The following PDE8A variants were observed in gnomAD, a reference collection of about 807,000 sequenced individuals.
PDE8A encodes high affinity cAMP-specific and IBMX-insensitive 3',5'-cyclic phosphodiesterase 8A.
PDE8A carries 59 observed loss-of-function variants against 105.0 expected under a neutral mutation model. The ratio of observed to expected loss-of-function variants is 0.56; its 90% confidence interval spans 0.46 to 0.70. The LOEUF is 0.70. Among genes scored for constraint, PDE8A ranks in the 30% least tolerant of loss-of-function variants. PDE8A has a pLI of 0.00. For missense variants in PDE8A, 1,014 were observed against 1,045.9 expected, an observed-to-expected ratio of 0.97 and a Z score of 0.42; for synonymous variants, 355 against 371.9, an observed-to-expected ratio of 0.95 and a Z score of 0.52.
chr15:85,106,948 T>C (rs902172118), intron 11 of PDE8A, among the ~76,000 whole-genome samples: 11 of 152,184 alleles, frequency 7.2e-5, no homozygotes, highest in African/African-American at 2.4e-4. Flanking sequence ...TATACACATA[T>C]GCTTCTTCCA....
chr15:85,039,817 G>C (rs769281865), intron 1 of PDE8A, among the ~76,000 whole-genome samples: 6 of 152,214 alleles, frequency 3.9e-5, no homozygotes, highest in Non-Finnish European at 7.3e-5. Context: ...AGGACTTTCT[G>C]CTAAGTCAAA....
upstream of PDE8A, among the ~76,000 whole-genome samples, chr15:84,981,779 C>T (rs1197071300): frequency 6.6e-6 from 1 of 151,014 alleles, no homozygotes; most frequent in Non-Finnish European, 1.5e-5. Context: ...GCGAGGGCAG[C>T]GTGGCTCGCG....
intron 5 of PDE8A, among the ~76,000 whole-genome samples, chr15:85,082,597 A>G (rs1438309194): frequency 6.6e-6 from 1 of 152,050 alleles, no homozygotes; most frequent in Admixed American, 6.5e-5. Flanking sequence ...CCGTGGTAGT[A>G]GAAGGAACTC....
intron 1 of PDE8A, among the ~76,000 whole-genome samples, chr15:84,993,249 C>T (rs373138633): frequency 4.9e-4 from 74 of 151,494 alleles, no homozygotes; most frequent in African/African-American, 1.6e-3. Context: ...CAAGACCATC[C>T]TGGCTAACAC....
Position 85,113,930 on chromosome 15 carries a change from C to G in PDE8A, c.1243C>G (p.Leu415Val), listed in dbSNP as rs751681396. 2 of 1,613,632 alleles carry G rather than the reference C, an allele frequency of 1.2e-6. No individual in the cohort carries two copies. Among genetic ancestry groups the G allele is most frequent in the East Asian group, 2.2e-5 (1 of 44,890 alleles). ...TAGTCCCATGCCTGTGACAGAAGCC[C>G]TAGACCGTGTGCTGGAAATTCTAAG... The part of the protein sequence containing the change: ...ESSPMPVTEA[L>V]DRVLEILRTT... Residue 415 changes from leucine to valine, a missense_variant, in exon 14 of 22, where the codon CTA becomes GTA. Transcript: ENST00000394553.
rs2082442061 is a variant in PDE8A, at chr15:85,138,134, A to G, written c.*231A>G. 1 of 465,068 alleles carries G rather than the reference A, an allele frequency of 2.2e-6. No individual in the cohort carries two copies. Among genetic ancestry groups the G allele is most frequent in the South Asian group, 3.5e-5 (1 of 28,646 alleles). 28.8% of individuals were successfully genotyped at this position (465,068 alleles called of 1,614,324 possible). On this transcript the variant is annotated 3_prime_UTR_variant, in exon 22 of 22. Transcript: ENST00000394553. ...TGGGCCTGCTGCAGGAGCTCTTCAG[A>G]AAGGCACATGAGGACCACGGTTTGC...
At chr15:84,989,726 G>A (rs550055614) in intron 1 of PDE8A, among the ~76,000 whole-genome samples, 3 of 152,170 alleles carry the variant, frequency 2.0e-5, no homozygotes, top group Admixed American at 1.3e-4. Context: ...AGACACTATC[G>A]CATGTAAGGA....
chr15:84,993,501 T>C (rs183501139), intron 1 of PDE8A, among the ~76,000 whole-genome samples: 1 of 148,992 alleles, frequency 6.7e-6, no homozygotes, highest in Admixed American at 6.7e-5. Context: ...ATCACTTAAA[T>C]TGCACAGTCA....
intron 1 of PDE8A, among the ~76,000 whole-genome samples, chr15:84,988,252 T>G (rs1435745645): frequency 6.6e-6 from 1 of 152,222 alleles, no homozygotes; most frequent in Non-Finnish European, 1.5e-5. Context: ...TGCTCTCTGT[T>G]AACTAGCTAT....
At position 85,116,037 on chromosome 15, in the gene PDE8A, C is replaced by T. The variant is rs1274811737; in HGVS notation, c.1453C>T (p.Pro485Ser). 1.2e-6 allele frequency: 2 copies of T among 1,613,346 alleles called. No homozygotes were observed. The highest frequency in any genetic ancestry group is 1.7e-5 in the Admixed American group (1 of 60,022). Residue 485 changes from proline to serine, a missense_variant, in exon 16 of 22, where the codon CCA becomes TCA. Transcript: ENST00000394553. ...CACTCCCATCTCCCTTGATGATGTC[C>T]CACCACGGATAGCTCGGGCCATGGA... ...IITPISLDDV[P>S]PRIARAMENE...
intron 16 of PDE8A, among the ~76,000 whole-genome samples, chr15:85,117,142 G>C (rs1383401042): frequency 6.6e-6 from 1 of 152,214 alleles, no homozygotes; most frequent in Non-Finnish European, 1.5e-5. Flanking sequence ...CCCACCTCCA[G>C]AAAGGTGGGT....
chr15:85,015,519 T>G (rs1035926364), intron 1 of PDE8A, among the ~76,000 whole-genome samples: 2 of 152,218 alleles, frequency 1.3e-5, no homozygotes, highest in African/African-American at 2.4e-5. Context: ...TTGCTAGGTG[T>G]TGTTCAATTT....
upstream of PDE8A, chr15:84,980,485 A>G: frequency 6.6e-6 from 1 of 152,438 alleles, no homozygotes; most frequent in Non-Finnish European, 1.5e-5. Context: ...GGGTCGCTCC[A>G]GGGCCGCGCT....
At chr15:85,087,390 A>T (rs898460606) in intron 6 of PDE8A, among the ~76,000 whole-genome samples, 1 of 152,076 alleles carries the variant, frequency 6.6e-6, no homozygotes, top group African/African-American at 2.4e-5. Flanking sequence ...TTGTAGAGAC[A>T]GGGTTTTGCC....
intron 8 of PDE8A, among the ~76,000 whole-genome samples, chr15:85,094,112 C>T (rs1333443659): frequency 1.3e-5 from 2 of 152,174 alleles, no homozygotes; most frequent in Non-Finnish European, 2.9e-5. Context: ...GTCCTACTCC[C>T]TCAGCTTCCC....
chr15:84,998,978 T>A (rs550927195), intron 1 of PDE8A, among the ~76,000 whole-genome samples: 6 of 152,196 alleles, frequency 3.9e-5, no homozygotes, highest in Non-Finnish European at 7.3e-5. Context: ...CTAATGAGAT[T>A]AGTTTTCAGA....
intron 20 of PDE8A, among the ~76,000 whole-genome samples, chr15:85,131,169 T>C (rs1252326767): frequency 6.6e-6 from 1 of 152,234 alleles, no homozygotes; most frequent in Non-Finnish European, 1.5e-5. Context: ...TTTCAACATA[T>C]GTATGTCTTG....
At chr15:85,071,628 C>T (rs552866367) in intron 3 of PDE8A, among the ~76,000 whole-genome samples, 2 of 152,332 alleles carry the variant, frequency 1.3e-5, no homozygotes, top group Admixed American at 1.3e-4. Flanking sequence ...TGGCAGTGTT[C>T]TCCAAGCCCG....
intron 1 of PDE8A, 128 bp from the exon 2 acceptor site, chr15:85,064,242 A>G: frequency 1.6e-6 from 1 of 620,940 alleles, no homozygotes; most frequent in Non-Finnish European, 2.9e-6. Context: ...TCATTTATCT[A>G]CTATTTACTT....
Sources: gnomAD v4.1 joint callset for allele counts (sites outside exome capture counted in the v4.1 genomes callset) on GRCh38, gnomAD v4.1.1 for gene constraint, MANE v1.5 for transcripts, NCBI Gene and HGNC (gene_info 2026-07-23, HGNC 2026-07-21) for gene names.